PDE4DIP: variants seen among roughly 807,000 people sequenced by gnomAD.
PDE4DIP encodes myomegalin.
Under a neutral mutation model 221.4 loss-of-function variants are expected in PDE4DIP, and 59 were observed. The ratio of observed to expected loss-of-function variants is 0.27; its 90% CI spans 0.22 to 0.33. PDE4DIP has a LOEUF of 0.33. Among genes scored for constraint, PDE4DIP ranks in the 10% least tolerant of loss-of-function variants. The pLI is 1.00. For missense variants in PDE4DIP, 1,036 were observed against 2,154.2 expected (o/e 0.48, Z 10.28); for synonymous variants, 404 against 815.9 (o/e 0.50, Z 8.60).
At chr1:149,010,543 C>A in exon 31 of PDE4DIP, 3 of 1,614,082 alleles carry the variant, frequency 1.9e-6, no homozygotes, top group Non-Finnish European at 2.5e-6. Context: ...GCAACCCCAT[C>A]AGCTTGCCAA....
chr1:148,817,952 G>A lies in PDE4DIP; in HGVS notation c.233+9215G>A, dbSNP rs587767597. Among the ~76,000 whole-genome samples, 134 of 144,906 alleles carry A rather than the reference G, an allele frequency of 9.2e-4. 2 individuals carry two copies. The highest frequency in any genetic ancestry group is 3.4e-3 in the African/African-American group (130 of 38,314). ...CTGTCTCAGCCTCCTGAGTAGCTGG[G>A]ATTACAGGCACCCACCACCACGCCT... On this transcript the variant is annotated intron_variant, in intron 1 of 45. Transcript: ENST00000524974.
At chr1:148,975,269 ATTAGAT>A (rs1175691623) in intron 17 of PDE4DIP, among the ~76,000 whole-genome samples, 1 of 147,572 alleles carries the variant, frequency 6.8e-6, no homozygotes, top group Non-Finnish European at 1.5e-5. Flanking sequence ...GATCCGTGAA[ATTAGAT>A]TTAGAAACAT....
intron 5 of PDE4DIP, among the ~76,000 whole-genome samples, chr1:148,944,873 A>T (rs2051269873): frequency 6.6e-6 from 1 of 151,914 alleles, no homozygotes; most frequent in Non-Finnish European, 1.5e-5. Context: ...TCCGTCTCGG[A>T]AAAAAACAAA....
exon 20 of PDE4DIP, chr1:148,979,776 C>T (rs371870255): frequency 1.6e-5 from 26 of 1,613,408 alleles, no homozygotes; most frequent in South Asian, 9.9e-5. Flanking sequence ...TGAACGGAGT[C>T]GGCTCAATGA....
At chr1:149,019,892 G>A (rs1301330991) in intron 35 of PDE4DIP, among the ~76,000 whole-genome samples, 2 of 152,040 alleles carry the variant, frequency 1.3e-5, no homozygotes, top group Non-Finnish European at 2.9e-5. Flanking sequence ...GGAAAGTGGT[G>A]ATCATTAGAA....
chr1:148,916,918 TA>T (rs1283529157), intron 1 of PDE4DIP, among the ~76,000 whole-genome samples: 5 of 151,340 alleles, frequency 3.3e-5, no homozygotes, highest in African/African-American at 4.9e-5. Flanking sequence ...ACATCCCCTT[TA>T]GCTCCTTCGG....
chr1:148,952,080 C>T (rs1553489567), intron 5 of PDE4DIP: 1 of 1,015,706 alleles, frequency 9.8e-7, no homozygotes, highest in East Asian at 6.7e-5. Context: ...ATTCGTCTTT[C>T]TCCTCCCCGC....
Position 148,968,950 on chromosome 1 carries a change from C to T in PDE4DIP, c.1900C>T (p.Arg634Ter), listed in dbSNP as rs587712968. The change falls in exon 14 of 44, where the codon CGA becomes TGA. Residue 634 changes from arginine (R) to a stop codon, truncating the protein, a stop_gained. Coordinates refer to ENST00000369354, the Ensembl canonical transcript of PDE4DIP. LOFTEE classifies it high-confidence loss of function. ...GATGCTGCAGGACCTTCTAAGTGAT[C>T]GAAATAAACAAGTGCTGGAACATGA... 4 of 1,611,980 alleles carry T rather than the reference C, an allele frequency of 2.5e-6. No individual in the cohort carries two copies. Among genetic ancestry groups the T allele is most frequent in the East Asian group, 2.2e-5 (1 of 44,870 alleles).
Position 149,032,563 on chromosome 1 carries a change from T to C in PDE4DIP, c.*578T>C, listed in dbSNP as rs782099195. The C allele has an allele frequency of 6.1e-3, 1,549 of 253,588 alleles. 9 individuals are homozygous for C. The highest frequency in any genetic ancestry group is 0.014 in the Middle Eastern group (12 of 834). The allele number at this position is 253,588 out of a possible 1,614,324, so 15.7% of individuals were successfully genotyped here. ...GCCTTGGTCTGCACTGTAGCACCTGTGTTCTTTGAGTTCACATCATGAATG... is the reference window on the plus strand; with the variant it reads ...GCCTTGGTCTGCACTGTAGCACCTGCGTTCTTTGAGTTCACATCATGAATG... On this transcript the variant is annotated 3_prime_UTR_variant, in exon 44 of 44. Transcript: ENST00000369354.
chr1:149,009,660 C>G, exon 30 of PDE4DIP: 1 of 1,614,156 alleles, frequency 6.2e-7, no homozygotes, highest in Non-Finnish European at 8.5e-7. Flanking sequence ...AGCAGCCATG[C>G]CTTGTCTGAC....
At chr1:148,998,865 C>T (rs1484793804) in intron 23 of PDE4DIP, among the ~76,000 whole-genome samples, 9 of 150,462 alleles carry the variant, frequency 6.0e-5, no homozygotes, top group East Asian at 2.0e-4. Context: ...CTCAGCCTGC[C>T]GAGTAGCTGG....
At chr1:148,997,619 A>G (rs1213357112) in intron 22 of PDE4DIP, among the ~76,000 whole-genome samples, 1 of 151,686 alleles carries the variant, frequency 6.6e-6, no homozygotes, top group Non-Finnish European at 1.5e-5. Context: ...GTGTCTGCCG[A>G]CTGTTTCCCC....
chr1:149,032,088 G>T, exon 44 of PDE4DIP: 1 of 1,603,448 alleles, frequency 6.2e-7, no homozygotes, highest in South Asian at 1.1e-5. Flanking sequence ...CCTATCTGCT[G>T]AGGAGCATCT....
At chr1:148,954,701 C>T (rs2054710508) in intron 5 of PDE4DIP, among the ~76,000 whole-genome samples, 1 of 152,134 alleles carries the variant, frequency 6.6e-6, no homozygotes, top group Non-Finnish European at 1.5e-5. Context: ...TTAATTTGAG[C>T]TATTCGTGTC....
chr1:148,969,056 A>G (rs782002195), intron 14 of PDE4DIP, 26 bp downstream of exon 17: 1 of 1,589,244 alleles, frequency 6.3e-7, no homozygotes, highest in African/African-American at 1.3e-5. Flanking sequence ...CAGATCAGAC[A>G]AGTGTCATGT....
intron 1 of PDE4DIP, among the ~76,000 whole-genome samples, chr1:148,862,102 G>A (rs1291116316): frequency 2.6e-3 from 353 of 133,276 alleles, no homozygotes; most frequent in African/African-American, 9.8e-3. Context: ...GCTTCATAGA[G>A]CAGCCTTGTC....
chr1:148,995,852 TA>T (rs2064079408), intron 22 of PDE4DIP, among the ~76,000 whole-genome samples: 2 of 136,820 alleles, frequency 1.5e-5, no homozygotes, highest in South Asian at 2.2e-4. Flanking sequence ...CCCTAAAACT[TA>T]AAGTATAATA....
intron 41 of PDE4DIP, among the ~76,000 whole-genome samples, chr1:149,029,006 T>G (rs1553633295): frequency 4.6e-5 from 7 of 152,164 alleles, no homozygotes; most frequent in Non-Finnish European, 4.4e-5. Context: ...AAATGTTCAG[T>G]TTATTTACTT....
chr1:148,949,346 T>A (rs1421992896), intron 5 of PDE4DIP, among the ~76,000 whole-genome samples: 1 of 150,132 alleles, frequency 6.7e-6, no homozygotes. Flanking sequence ...ATATAAGTTA[T>A]CTTCTTATAT....
Sources: gnomAD v4.1 joint callset for allele counts (sites outside exome capture counted in the v4.1 genomes callset) on GRCh38, gnomAD v4.1.1 for gene constraint, MANE v1.5 for transcripts, NCBI Gene and HGNC (gene_info 2026-07-23, HGNC 2026-07-21) for gene names.